The following SLTM variants were observed in gnomAD, a reference collection of about 807,000 sequenced individuals.
SLTM encodes SAFB like transcription modulator.
In SLTM, 43 loss-of-function variants were observed where a neutral mutation model predicts 134.6. The ratio of observed to expected loss-of-function variants is 0.32; its 90% confidence interval spans 0.25 to 0.41. The LOEUF (loss-of-function observed/expected upper bound fraction) is 0.41. Ranked by LOEUF, SLTM falls within the 10% of genes least tolerant of loss-of-function variation. The pLI, the probability that SLTM is intolerant of heterozygous loss-of-function variation, is 1.00. For missense variants in SLTM, 1,055 were observed against 1,288.8 expected (o/e 0.82, Z 2.78); for synonymous variants, 424 against 432.3 (o/e 0.98, Z 0.24).
At chr15:58,908,526 C>A (rs2036035416) in intron 5 of SLTM, among the ~76,000 whole-genome samples, 1 of 151,992 alleles carries the variant, frequency 6.6e-6, no homozygotes, top group Non-Finnish European at 1.5e-5. Context: ...ACCACCATAC[C>A]CAGCTATTTA....
chr15:58,916,833 C>T, intron 3 of SLTM, 102 bp downstream of exon 3: 1 of 878,544 alleles, frequency 1.1e-6, no homozygotes, highest in Non-Finnish European at 1.8e-6. Context: ...TATCTTTAAC[C>T]TACATACTTC....
At chr15:58,893,507 AAG>A (rs1200064489) in intron 12 of SLTM, 143 bp from the exon 13 acceptor site, 2 of 653,066 alleles carry the variant, frequency 3.1e-6, no homozygotes, top group Non-Finnish European at 5.1e-6. Flanking sequence ...CTTCAATGCA[AAG>A]AGTTTTTTAA....
chr15:58,932,636 T>C (rs1213373550), intron 1 of SLTM, among the ~76,000 whole-genome samples, 193 bp from the exon 2 acceptor site: 1 of 152,180 alleles, frequency 6.6e-6, no homozygotes, highest in Non-Finnish European at 1.5e-5. Context: ...AAAAAAATCA[T>C]TAGGTATCAA....
intron 5 of SLTM, among the ~76,000 whole-genome samples, chr15:58,904,748 C>T (rs1486586820): frequency 6.6e-6 from 1 of 151,812 alleles, no homozygotes; most frequent in African/African-American, 2.4e-5. Context: ...TGTCGCTCTG[C>T]TTCCCAGGCT....
chr15:58,903,066 T>C (rs1178365775), intron 5 of SLTM, among the ~76,000 whole-genome samples: 1 of 151,964 alleles, frequency 6.6e-6, no homozygotes, highest in Non-Finnish European at 1.5e-5. Context: ...TACACCCAGT[T>C]AATTTTTGTA....
intron 20 of SLTM, among the ~76,000 whole-genome samples, chr15:58,881,836 A>G (rs562937758): frequency 1.2e-4 from 18 of 152,128 alleles, no homozygotes; most frequent in African/African-American, 3.9e-4. Flanking sequence ...AGTTCAAGTG[A>G]TCTACCTACC....
intron 5 of SLTM, among the ~76,000 whole-genome samples, chr15:58,903,776 A>G (rs1362621201): frequency 3.3e-5 from 5 of 152,186 alleles, no homozygotes; most frequent in African/African-American, 1.2e-4. Context: ...CTGCTGGTAC[A>G]GCGCAAACAC....
chr15:58,892,612 G>A lies in SLTM; in HGVS notation c.1898+285C>T, dbSNP rs191602015. 1.2e-3 allele frequency among the ~76,000 whole-genome samples: 184 copies of A among 152,242 alleles called. 1 individual carries two copies. Among genetic ancestry groups the A allele is most frequent in the African/African-American group, 4.3e-3 (179 of 41,546 alleles). On this transcript the variant is annotated intron_variant, in intron 14 of 20. Transcript: ENST00000380516. ...GACTCTGCCACTTGTTAGCCATGTG[G>A]CCATTGGAAGAGTCATTTAGCCTCT...
chr15:58,887,149 A>G (rs774342059), intron 18 of SLTM, 30 bp from the exon 19 acceptor site: 1 of 1,613,514 alleles, frequency 6.2e-7, no homozygotes, highest in Non-Finnish European at 8.5e-7. Flanking sequence ...AACATACATG[A>G]TCAAAACTGT....
intron 20 of SLTM, among the ~76,000 whole-genome samples, chr15:58,882,181 C>CAAAAAAAAAAAAACAA (rs71119415): frequency 3.4e-5 from 2 of 59,526 alleles, no homozygotes; most frequent in Non-Finnish European, 6.1e-5. Context: ...GACTCTGTCT[C>CAAAAAAAAAAAAACAA]AAAAAAAAAA....
chr15:58,891,162 G>A (rs2034616414), intron 14 of SLTM, among the ~76,000 whole-genome samples: 2 of 152,272 alleles, frequency 1.3e-5, no homozygotes, highest in Non-Finnish European at 2.9e-5. Flanking sequence ...CAATGGGTCA[G>A]TACTATTTCT....
Position 58,903,868 on chromosome 15 carries a change from C to T in SLTM, c.562-2581G>A, listed in dbSNP as rs1595881974. On this transcript the variant is annotated intron_variant, in intron 5 of 20. Coordinates refer to ENST00000380516, the MANE Select transcript of SLTM (RefSeq NM_024755.4). Reference sequence around the variant, plus strand: ...GAAATGTACGTAGAACTGTAAACAGCTTATTTATAATACAATTTTAGATTC... The same window carrying T: ...GAAATGTACGTAGAACTGTAAACAGTTTATTTATAATACAATTTTAGATTC... Among the ~76,000 whole-genome samples the T allele has an allele frequency of 2.6e-5, 4 of 152,274 alleles. 1 individual carries two copies. Among genetic ancestry groups the T allele is most frequent in the Admixed American group, 2.6e-4 (4 of 15,296 alleles).
chr15:58,925,725 A>G (rs1343263511), intron 2 of SLTM, among the ~76,000 whole-genome samples: 2 of 152,222 alleles, frequency 1.3e-5, no homozygotes, highest in South Asian at 4.1e-4. Flanking sequence ...TTTTTCAAAT[A>G]TCTTACATTA....
chr15:58,928,811 C>T (rs996412380), intron 2 of SLTM, among the ~76,000 whole-genome samples: 3 of 152,248 alleles, frequency 2.0e-5, no homozygotes, highest in African/African-American at 4.8e-5. Context: ...TATTATGTCT[C>T]GCTGATGTCT....
chr15:58,903,715 GA>G (rs35691781), intron 5 of SLTM, among the ~76,000 whole-genome samples: 50 of 144,656 alleles, frequency 3.5e-4, no homozygotes, highest in African/African-American at 4.6e-4. Context: ...GATTAAAATG[GA>G]AAAAAAAAAA....
At chr15:58,903,143 AC>A (rs1425737002) in intron 5 of SLTM, among the ~76,000 whole-genome samples, 3 of 150,108 alleles carry the variant, frequency 2.0e-5, no homozygotes, top group Non-Finnish European at 4.5e-5. Context: ...CTCGTGATCC[AC>A]CCGCCTCAGC....
intron 2 of SLTM, 119 bp downstream of exon 2, chr15:58,932,237 A>C: frequency 1.4e-6 from 1 of 734,522 alleles, no homozygotes; most frequent in Non-Finnish European, 2.4e-6. Context: ...CCAAGAAGGC[A>C]GACTGCCAGA....
chr15:58,887,578 GCTTA>G (rs1375312164), intron 17 of SLTM, 38 bp from the exon 18 acceptor site: 5 of 1,558,620 alleles, frequency 3.2e-6, no homozygotes, highest in East Asian at 2.2e-5. Context: ...TCCAAGAAGT[GCTTA>G]CTTGAGTGCT....
chr15:58,887,372 C>T lies in SLTM; in HGVS notation c.2544G>A (p.Gly848=). The T allele has an allele frequency of 2.5e-6, 4 of 1,613,816 alleles. No homozygotes were observed. Among genetic ancestry groups the T allele is most frequent in the Non-Finnish European group, 3.4e-6 (4 of 1,179,964 alleles). The change falls in exon 18 of 21, where the codon GGG becomes GGA. Residue 848 remains glycine (G), a synonymous_variant. Transcript: ENST00000380516. ...TCACCGTTCTCCTTTCGTCTCGCTCCCCTCGTACTTCTCGCCTGTCTGATT... is the reference window on the plus strand; with the variant it reads ...TCACCGTTCTCCTTTCGTCTCGCTCTCCTCGTACTTCTCGCCTGTCTGATT... ...LRESDRREVR[G]ERDERRTVII...
Sources: allele counts gnomAD v4.1 joint callset (sites outside exome capture counted in the v4.1 genomes callset), GRCh38; gene constraint gnomAD v4.1.1; transcripts MANE v1.5; gene names NCBI Gene and HGNC (gene_info 2026-07-23, HGNC 2026-07-21).